Variants in CNBD2 observed in about 807,000 individuals in gnomAD.
The protein encoded by CNBD2 is cyclic nucleotide binding domain containing 2, also known as cyclic nucleotide-binding domain-containing protein 2.
In CNBD2, 64 loss-of-function variants were observed where a neutral mutation model predicts 63.7. The observed-to-expected ratio is 1.00, with a 90% CI of 0.82 to 1.24. The LOEUF (loss-of-function observed/expected upper bound fraction) is 1.24, where lower values mean the gene tolerates loss of function less well. CNBD2 is among the 50% of genes most tolerant of loss of function. The pLI is 0.00. For missense variants in CNBD2, 691 were observed against 713.5 expected (o/e 0.97, Z 0.36); for synonymous variants, 229 against 255.4 (o/e 0.90, Z 0.99).
chr20:35,961,876 G>A (rs1178377196), intron 2 of CNBD2, among the ~76,000 whole-genome samples: 1 of 152,158 alleles, frequency 6.6e-6, no homozygotes, highest in Non-Finnish European at 1.5e-5. Context: ...ACATCTGTGT[G>A]TTTCCCTGGT....
At chr20:36,001,173 A>G (rs1304370598) in intron 8 of CNBD2, among the ~76,000 whole-genome samples, 1 of 151,886 alleles carries the variant, frequency 6.6e-6, no homozygotes, top group Non-Finnish European at 1.5e-5. Context: ...CGATTTCTCA[A>G]TGTTTTCCCC....
chr20:35,991,308 G>A (rs8126058), intron 7 of CNBD2, among the ~76,000 whole-genome samples: 33 of 152,194 alleles, frequency 2.2e-4, no homozygotes, highest in Non-Finnish European at 4.8e-4. Context: ...AACACATTCT[G>A]TATAACAGGT....
In CNBD2 at chr20:36,022,358, C is replaced by T. The variant is rs181049295; in HGVS notation, c.1270-1244C>T. On this transcript the variant is annotated intron_variant, in intron 10 of 11. Transcript: ENST00000373973. ...GAACTACAGGCACGTGCCACCATGC[C>T]TGGCTAATTTTTTGTATTTTTAGTA... 4.6e-3 allele frequency among the ~76,000 whole-genome samples: 698 copies of T among 151,738 alleles called. 6 individuals are homozygous for T. Among genetic ancestry groups the T allele is most frequent in the African/African-American group, 0.016 (674 of 41,380 alleles).
upstream of CNBD2, among the ~76,000 whole-genome samples, chr20:35,965,688 TGTGTGAC>T (rs541012228): frequency 4.3e-4 from 65 of 152,316 alleles, no homozygotes; most frequent in South Asian, 0.013. Context: ...CTGACTTAAA[TGTGTGAC>T]TCTGAATCCC....
intron 10 of CNBD2, among the ~76,000 whole-genome samples, chr20:36,022,195 C>CTTTTTTTTTTTTTT (rs753206662): frequency 5.3e-5 from 3 of 56,260 alleles, no homozygotes; most frequent in Admixed American, 2.0e-4. Flanking sequence ...TTTTTTTTTT[C>CTTTTTTTTTTTTTT]TTTTTTTTTT....
intron 8 of CNBD2, among the ~76,000 whole-genome samples, chr20:36,002,448 G>A (rs932313627): frequency 3.5e-4 from 53 of 151,990 alleles, no homozygotes; most frequent in African/African-American, 1.3e-3. Context: ...GAGGGAGAGG[G>A]AGAGCCTAAT....
intron 11 of CNBD2, among the ~76,000 whole-genome samples, chr20:36,025,729 G>A (rs2794382): frequency 0.35 from 53,461 of 151,802 alleles, 13,930 homozygotes; most frequent in African/African-American, 0.74. Flanking sequence ...ACTTTTTTAA[G>A]TGTAAAAATT....
At chr20:36,017,040 T>C (rs1457272017) in intron 10 of CNBD2, among the ~76,000 whole-genome samples, 2 of 129,874 alleles carry the variant, frequency 1.5e-5, no homozygotes, top group African/African-American at 5.9e-5. Context: ...ATCTGAACAA[T>C]AGAATGAGAG....
chr20:36,019,466 T>A (rs902463688), intron 10 of CNBD2, among the ~76,000 whole-genome samples: 10 of 138,896 alleles, frequency 7.2e-5, no homozygotes, highest in Admixed American at 2.5e-4. Context: ...GAGATTGTAG[T>A]GAGCTGAAAT....
At chr20:35,975,424 C>A (rs1381102653) in intron 2 of CNBD2, among the ~76,000 whole-genome samples, 1 of 112,026 alleles carries the variant, frequency 8.9e-6, no homozygotes, top group Non-Finnish European at 1.9e-5. Context: ...CCTCAGCCTC[C>A]CGAGTAGCTG....
chr20:36,024,489 C>T (rs550171957), intron 11 of CNBD2, among the ~76,000 whole-genome samples: 69 of 151,284 alleles, frequency 4.6e-4, no homozygotes, highest in African/African-American at 1.6e-3. Context: ...ATTAGCCAGG[C>T]ATGGTAGTGG....
chr20:36,023,589 G>A lies in CNBD2; in HGVS notation c.1270-13G>A, dbSNP rs1006645072. On this transcript the variant is annotated splice_polypyrimidine_tract_variant and intron_variant, in intron 10 of 11. Transcript: ENST00000373973. ...CAGTCTCTGAGGTCTAACTTTCTGT[G>A]ACTTCTCCCGAGGGTCTTCACCAGG... 1.3e-6 allele frequency: 2 copies of A among 1,561,372 alleles called. No individual in the cohort carries two copies. Among genetic ancestry groups the A allele is most frequent in the Non-Finnish European group, 8.6e-7 (1 of 1,156,642 alleles).
At chr20:36,022,466 A>G (rs1377962725) in intron 10 of CNBD2, among the ~76,000 whole-genome samples, 2 of 150,664 alleles carry the variant, frequency 1.3e-5, no homozygotes, top group East Asian at 2.0e-4. Flanking sequence ...CCAAAGTTCT[A>G]GGATTACAGG....
rs1323046764 is a variant in CNBD2 at position 35,993,170 on chromosome 20, G to A, written c.856-1868G>A. On this transcript the variant is annotated intron_variant, in intron 7 of 11. Transcript: ENST00000373973. ...TCAAAAAAAAGAAAAAAAAAAGTAT[G>A]CAGTAAAGATTTCAAATCTAAACTT... Among the ~76,000 whole-genome samples the A allele has an allele frequency of 3.3e-5, 5 of 151,894 alleles. No individual in the cohort carries two copies. In the South Asian group the frequency reaches 1.0e-3, roughly 32 times the overall value.
At chr20:35,969,950 A>G (rs2056389429) in intron 1 of CNBD2, among the ~76,000 whole-genome samples, 1 of 152,196 alleles carries the variant, frequency 6.6e-6, no homozygotes, top group Admixed American at 6.5e-5. Flanking sequence ...GTATCATGTT[A>G]TTACTTTAAT....
At chr20:36,016,880 G>A (rs994830971) in intron 10 of CNBD2, among the ~76,000 whole-genome samples, 2 of 142,548 alleles carry the variant, frequency 1.4e-5, no homozygotes, top group South Asian at 4.7e-4. Context: ...GCAACAAAGC[G>A]AAATCCTGTC....
upstream of CNBD2, among the ~76,000 whole-genome samples, chr20:35,967,374 C>A (rs867993138): frequency 6.6e-6 from 1 of 150,776 alleles, no homozygotes. Flanking sequence ...CTCAGCCTCC[C>A]GAGTAGCTGG....
intron 5 of CNBD2, 107 bp downstream of exon 5, chr20:35,984,245 A>G: frequency 8.3e-7 from 1 of 1,200,918 alleles, no homozygotes; most frequent in Non-Finnish European, 1.2e-6. Context: ...TACTCTGTAC[A>G]AGTCAGTGTC....
At chr20:36,014,860 C>T (rs1252302600) in intron 10 of CNBD2, among the ~76,000 whole-genome samples, 1 of 152,066 alleles carries the variant, frequency 6.6e-6, no homozygotes, top group East Asian at 1.9e-4. Context: ...TCTGGAACTC[C>T]TGGCCTCAAG....
Sources: allele counts gnomAD v4.1 joint callset (sites outside exome capture counted in the v4.1 genomes callset), GRCh38; gene constraint gnomAD v4.1.1; transcripts MANE v1.5; gene names NCBI Gene and HGNC (gene_info 2026-07-23, HGNC 2026-07-21).